The following BMPR1B variants were observed in gnomAD, a reference collection of about 807,000 sequenced individuals.
BMPR1B encodes bone morphogenetic protein receptor type 1B, also known as bone morphogenetic protein receptor type-1B.
BMPR1B carries 12 observed loss-of-function variants against 59.1 expected under a neutral mutation model. That is an observed-to-expected ratio of 0.20 (90% CI 0.13 to 0.33). BMPR1B has a LOEUF of 0.33. Among genes scored for constraint, BMPR1B ranks in the 10% least tolerant of loss-of-function variants. BMPR1B has a pLI of 1.00. For missense variants in BMPR1B, 550 were observed against 610.9 expected, an observed-to-expected ratio of 0.90 and a Z score of 1.05; for synonymous variants, 237 against 207.3, an observed-to-expected ratio of 1.14 and a Z score of -1.23.
intron 2 of BMPR1B, among the ~76,000 whole-genome samples, chr4:94,935,010 GA>G (rs201537568): frequency 0.015 from 2,250 of 151,792 alleles, 39 homozygotes; most frequent in African/African-American, 0.034. Flanking sequence ...CTAAGTCATA[GA>G]AAAAAAATAT....
chr4:94,821,684 G>A (rs760387923), intron 1 of BMPR1B, among the ~76,000 whole-genome samples: 3 of 152,084 alleles, frequency 2.0e-5, no homozygotes, highest in South Asian at 2.1e-4. Context: ...TGGAGATATG[G>A]GAGCGAATGA....
intron 1 of BMPR1B, among the ~76,000 whole-genome samples, chr4:94,775,491 T>C (rs1259008452): frequency 6.6e-6 from 1 of 152,222 alleles, no homozygotes; most frequent in Admixed American, 6.5e-5. Context: ...ATTTAAGATA[T>C]TTCCATCTCT....
chr4:94,945,479 C>G (rs1729673882), intron 2 of BMPR1B, among the ~76,000 whole-genome samples: 1 of 152,094 alleles, frequency 6.6e-6, no homozygotes, highest in Admixed American at 6.6e-5. Flanking sequence ...GCTCTGTTGT[C>G]CAGTCTAGAG....
At chr4:95,007,810 A>T (rs183696757) in intron 3 of BMPR1B, among the ~76,000 whole-genome samples, 237 of 152,316 alleles carry the variant, frequency 1.6e-3, no homozygotes, top group African/African-American at 5.3e-3. Flanking sequence ...ATTGCAATAT[A>T]TGAAAATATA....
intron 1 of BMPR1B, among the ~76,000 whole-genome samples, chr4:94,864,470 A>G (rs1325625565): frequency 1.3e-5 from 2 of 152,184 alleles, no homozygotes; most frequent in Non-Finnish European, 2.9e-5. Context: ...CATTTTGGAT[A>G]TTAGAGTGAC....
At chr4:94,843,766 A>G (rs1466764544) in intron 1 of BMPR1B, among the ~76,000 whole-genome samples, 1 of 152,146 alleles carries the variant, frequency 6.6e-6, no homozygotes, top group East Asian at 1.9e-4. Flanking sequence ...AATGGGGTGA[A>G]AAGCCTTACG....
At position 95,080,567 on chromosome 4, in the gene BMPR1B, C is replaced by G. The variant is rs534357932; in HGVS notation, c.-17-23841C>G. Among the ~76,000 whole-genome samples the G allele has an allele frequency of 1.2e-3, 184 of 152,246 alleles. 1 individual carries two copies. Among genetic ancestry groups the G allele is most frequent in the Middle Eastern group, 3.4e-3 (1 of 294 alleles). On this transcript the variant is annotated intron_variant, in intron 3 of 12. Transcript: ENST00000515059. ...ATTTACAAATTTTATATCTCTAATG[C>G]TAATGACTGGTTATTGGTCATCTAT...
intron 4 of BMPR1B, among the ~76,000 whole-genome samples, chr4:95,114,374 T>G (rs1731854418): frequency 6.6e-6 from 1 of 152,098 alleles, no homozygotes; most frequent in Admixed American, 6.6e-5. Context: ...TCTGGATTTG[T>G]CTGGAAAAGT....
intron 2 of BMPR1B, among the ~76,000 whole-genome samples, chr4:94,960,333 GAT>G (rs1730305971): frequency 6.6e-6 from 1 of 152,058 alleles, no homozygotes; most frequent in Admixed American, 6.6e-5. Context: ...CCCTTTAAGA[GAT>G]ATTTATCTTC....
At chr4:94,761,890 G>T (rs1721785823) in intron 1 of BMPR1B, among the ~76,000 whole-genome samples, 1 of 152,168 alleles carries the variant, frequency 6.6e-6, no homozygotes, top group Admixed American at 6.5e-5. Flanking sequence ...AGAATTCAGG[G>T]AAAGGAGGGG....
At chr4:94,867,223 C>T (rs1453370221) in intron 1 of BMPR1B, among the ~76,000 whole-genome samples, 1 of 152,090 alleles carries the variant, frequency 6.6e-6, no homozygotes, top group Non-Finnish European at 1.5e-5. Flanking sequence ...AGCATGCCTC[C>T]AGAAGATGCA....
intron 1 of BMPR1B, among the ~76,000 whole-genome samples, chr4:94,826,932 ATT>A (rs1298025227): frequency 2.0e-5 from 3 of 152,208 alleles, no homozygotes; most frequent in African/African-American, 7.2e-5. Context: ...AAAATAATTT[ATT>A]TGAGTAAAAC....
intron 3 of BMPR1B, among the ~76,000 whole-genome samples, chr4:95,033,596 C>T (rs1725034457): frequency 6.6e-6 from 1 of 152,012 alleles, no homozygotes; most frequent in Admixed American, 6.6e-5. Context: ...ACATACAATG[C>T]CAGAGCAAAA....
At chr4:95,015,015 G>C (rs528560943) in intron 3 of BMPR1B, among the ~76,000 whole-genome samples, 2 of 152,134 alleles carry the variant, frequency 1.3e-5, no homozygotes, top group African/African-American at 4.8e-5. Flanking sequence ...TTGGGAGGGG[G>C]TGTCTCTAAG....
intron 9 of BMPR1B, 42 bp downstream of exon 9, chr4:95,130,096 T>C (rs779768426): frequency 1.9e-6 from 3 of 1,596,672 alleles, no homozygotes; most frequent in Non-Finnish European, 2.6e-6. Context: ...GTTTCCTAGC[T>C]TTCCTCTGTC....
At chr4:94,878,862 C>G (rs927749098) in intron 2 of BMPR1B, among the ~76,000 whole-genome samples, 1 of 151,154 alleles carries the variant, frequency 6.6e-6, no homozygotes, top group Non-Finnish European at 1.5e-5. Context: ...TTTGTGTGAC[C>G]TCCTTATGTA....
At chr4:95,152,070 G>T (rs1019615761) in intron 11 of BMPR1B, among the ~76,000 whole-genome samples, 1 of 151,900 alleles carries the variant, frequency 6.6e-6, no homozygotes, top group Non-Finnish European at 1.5e-5. Context: ...GATAAATATA[G>T]GAAAAAAATC....
intron 6 of BMPR1B, among the ~76,000 whole-genome samples, chr4:95,121,124 A>G (rs1324108177): frequency 6.6e-6 from 1 of 152,158 alleles, no homozygotes. Flanking sequence ...TAGCATTTCT[A>G]TACACCAATA....
chr4:94,786,786 C>T (rs575197438), intron 1 of BMPR1B, among the ~76,000 whole-genome samples: 2 of 152,214 alleles, frequency 1.3e-5, no homozygotes, highest in South Asian at 2.1e-4. Flanking sequence ...CCTCGTGATC[C>T]ACCCGCCTTT....
Sources: gnomAD v4.1 joint callset for allele counts (sites outside exome capture counted in the v4.1 genomes callset) on GRCh38, gnomAD v4.1.1 for gene constraint, MANE v1.5 for transcripts, NCBI Gene and HGNC (gene_info 2026-07-23, HGNC 2026-07-21) for gene names.